EPX: variants seen among roughly 807,000 people sequenced by gnomAD.
EPX encodes the protein eosinophil peroxidase.
EPX carries 60 observed loss-of-function variants against 73.0 expected under a neutral mutation model. The observed-to-expected ratio is 0.82, with a 90% confidence interval of 0.67 to 1.02. The LOEUF (loss-of-function observed/expected upper bound fraction) is 1.02, where lower values mean the gene tolerates loss of function less well. Ranked by LOEUF, EPX falls within the 50% of genes least tolerant of loss-of-function variation. The pLI is 0.00. For missense variants in EPX, 950 were observed against 973.9 expected, an observed-to-expected ratio of 0.98 and a Z score of 0.33; for synonymous variants, 347 against 389.2, an observed-to-expected ratio of 0.89 and a Z score of 1.28.
chr17:58,197,278 G>T, intron 7 of EPX, 21 bp downstream of exon 7: 2 of 1,608,342 alleles, frequency 1.2e-6, no homozygotes, highest in Non-Finnish European at 1.7e-6. Context: ...GAGGAAGGTG[G>T]TGTCTTCCCA....
intron 8 of EPX, 103 bp downstream of exon 8, chr17:58,199,303 G>T: frequency 1.5e-6 from 2 of 1,311,602 alleles, no homozygotes; most frequent in Middle Eastern, 2.3e-4. Context: ...CTGGGTCTGG[G>T]CAACTGGCGG....
In EPX at chr17:58,193,557, C is replaced by T. The variant is rs776794461; in HGVS notation, c.346+11C>T. 1.9e-6 allele frequency: 3 copies of T among 1,613,370 alleles called. No homozygotes were observed. The highest frequency in any genetic ancestry group is 2.5e-6 in the Non-Finnish European group (3 of 1,179,414). ...CCTTCAATGTCACTGGTACTCTGAT[C>T]CCCACTGAGCCCGCTGGGCCTACCC... is the stretch of plus-strand genomic sequence containing the variant. On this transcript the variant is annotated intron_variant, in intron 3 of 12. Transcript: ENST00000225371.
chr17:58,193,207 C>T, intron 2 of EPX, 76 bp downstream of exon 2: 1 of 1,252,778 alleles, frequency 8.0e-7, no homozygotes, highest in Non-Finnish European at 1.2e-6. Flanking sequence ...GTTCATCTCA[C>T]TCATCAGCCA....
At chr17:58,198,172 G>A (rs969713044) in intron 7 of EPX, among the ~76,000 whole-genome samples, 1 of 152,156 alleles carries the variant, frequency 6.6e-6, no homozygotes, top group African/African-American at 2.4e-5. Context: ...TCTAAACCTT[G>A]CAACAGCCCT....
rs567848038 is a variant in EPX, at chr17:58,203,931, C to CAAAA, written c.1947-255_1947-252dup. On this transcript the variant is annotated intron_variant, in intron 11 of 12. Coordinates refer to ENST00000225371, the MANE Select transcript of EPX (RefSeq NM_000502.6). ...TGGGCGACAGAGCGAGACTCCGTCTCAAAAAAAAAAAAAAAAAAAAAAAAA... is the reference window on the plus strand; with the variant it reads ...TGGGCGACAGAGCGAGACTCCGTCTCAAAAAAAAAAAAAAAAAAAAAAAAAAAAA... Among the ~76,000 whole-genome samples the CAAAA allele has an allele frequency of 2.5e-4, 4 of 15,778 alleles. 1 individual carries two copies. Among genetic ancestry groups the CAAAA allele is most frequent in the Non-Finnish European group, 4.8e-4 (4 of 8,292 alleles). 10.4% of individuals were successfully genotyped at this position (15,778 alleles called of 152,430 possible). A position where few individuals can be genotyped will look rare whatever the true frequency, so the allele number is the denominator to read the frequency against.
chr17:58,203,319 G>A lies in EPX; in HGVS notation c.1946+1G>A. The A allele has an allele frequency of 6.2e-7, 1 of 1,600,474 alleles. No homozygotes were observed. Among genetic ancestry groups the A allele is most frequent in the Non-Finnish European group, 8.6e-7 (1 of 1,167,606 alleles). On this transcript the variant is annotated splice_donor_variant, in intron 11 of 12. Transcript: ENST00000225371. LOFTEE classifies it high-confidence loss of function. ...TCAGAAGAGCCCGAGACGGAGACAG[G>A]TAAGTGACCCTATCATAAAAGACAT...
Position 58,193,429 on chromosome 17 carries a change from A to C in EPX, c.229A>C (p.Lys77Gln), listed in dbSNP as rs1968205794. The C allele has an allele frequency of 2.5e-6, 4 of 1,614,112 alleles. No homozygotes were observed. The highest frequency in any genetic ancestry group is 3.4e-6 in the Non-Finnish European group (4 of 1,180,010). Residue 77 changes from lysine (K) to glutamine (Q), a missense_variant, in exon 3 of 13, where the codon AAA becomes CAA. Transcript: ENST00000225371. ...CCCCATGGACCTCCTGTCCTACTTC[A>C]AACAACCGGTAGCAGCCACCAGGAC... ...ASPMDLLSYF[K>Q]QPVAATRTVV...
chr17:58,195,723 C>T (rs888365415), intron 6 of EPX, among the ~76,000 whole-genome samples: 3 of 152,098 alleles, frequency 2.0e-5, no homozygotes, highest in Admixed American at 6.5e-5. Flanking sequence ...TGCACACACA[C>T]GCTCCCTCTC....
chr17:58,198,961 C>G (rs1417221398), intron 7 of EPX, 79 bp from the exon 8 acceptor site: 1 of 1,506,506 alleles, frequency 6.6e-7, no homozygotes, highest in African/African-American at 1.4e-5. Context: ...TCTCTCCCAT[C>G]CCCAGCCCTG....
intron 10 of EPX, among the ~76,000 whole-genome samples, chr17:58,201,596 G>A (rs1968341939): frequency 6.6e-6 from 1 of 152,332 alleles, no homozygotes; most frequent in East Asian, 1.9e-4. Context: ...TACCCAGCAG[G>A]ATATTGATAA....
chr17:58,193,700 T>C lies in EPX; in HGVS notation c.347-14T>C. On this transcript the variant is annotated splice_polypyrimidine_tract_variant and intron_variant, in intron 3 of 12. Coordinates refer to ENST00000225371, the MANE Select transcript of EPX (RefSeq NM_000502.6). ...AGCAGGCCAGCTCAGGTCTGCCCAT[T>C]TGCCTTCCCACAGATGTGCTAACAG... The C allele has an allele frequency of 6.2e-7, 1 of 1,601,772 alleles. No individual in the cohort carries two copies. Among genetic ancestry groups the C allele is most frequent in the Non-Finnish European group, 8.5e-7 (1 of 1,170,400 alleles).
chr17:58,196,849 A>T, intron 6 of EPX, 90 bp from the exon 7 acceptor site: 3 of 1,061,396 alleles, frequency 2.8e-6, no homozygotes, highest in Non-Finnish European at 4.4e-6. Flanking sequence ...AGGGAGTTTT[A>T]AGCAAGGTTT....
In EPX at chr17:58,193,803, C is replaced by T. The variant is rs144765797; in HGVS notation, c.436C>T (p.Arg146Cys). ...DQAERCSDKY[R>C]TITGRCNNKR... ...GGCCGAGCGCTGCAGCGACAAGTAC[C>T]GCACCATCACTGGACGGTGCAACAA... Residue 146 changes from arginine (R) to cysteine (C), a missense_variant, in exon 4 of 13, where the codon CGC becomes TGC. Arg to Cys is a radical substitution (Grantham distance 180). Transcript: ENST00000225371. The T allele has an allele frequency of 4.1e-5, 66 of 1,612,992 alleles. No individual in the cohort carries two copies. The East Asian group carries it at 1.0e-3, about 26-fold the overall frequency.
At chr17:58,193,621 G>T (rs1489627021) in intron 3 of EPX, 75 bp downstream of exon 3, 2 of 1,575,716 alleles carry the variant, frequency 1.3e-6, no homozygotes, top group Non-Finnish European at 1.7e-6. Flanking sequence ...GGGAGGCAGG[G>T]TGCACAGGTT....
At chr17:58,198,983 G>A (rs1968299841) in intron 7 of EPX, 57 bp from the exon 8 acceptor site, 15 of 1,592,264 alleles carry the variant, frequency 9.4e-6, no homozygotes, top group Non-Finnish European at 1.2e-5. Context: ...GTCTACCCTG[G>A]TAGAAAGACA....
Position 58,199,120 on chromosome 17 carries a change from G to A in EPX, c.1201G>A (p.Glu401Lys), listed in dbSNP as rs143664695. 1.8e-5 allele frequency: 29 copies of A among 1,613,922 alleles called. No homozygotes were observed. Among genetic ancestry groups the A allele is most frequent in the Admixed American group, 1.2e-4 (7 of 60,008 alleles). The change falls in exon 8 of 13, where the codon GAG becomes AAG. Residue 401 changes from glutamate (E) to lysine (K), a missense_variant. Transcript: ENST00000225371. ...GCGAGAGCACAACCGGCTGGCCACC[G>A]AGCTGAGACGCCTGAATCCCCGGTG... Reference protein sequence around the residue: ...FMREHNRLATELRRLNPRWNG... With the variant: ...FMREHNRLATKLRRLNPRWNG...
At chr17:58,193,202 T>A in intron 2 of EPX, 71 bp downstream of exon 2, 1 of 1,274,664 alleles carries the variant, frequency 7.8e-7, no homozygotes, top group East Asian at 2.3e-5. Flanking sequence ...GCCAAGTTCA[T>A]CTCACTCATC....
Position 58,192,884 on chromosome 17 carries a change from C to T in EPX, c.38C>T (p.Thr13Ile). ...CCAGCCCTGGCAGGGGTCCTGGCCA[C>T]ACTCGTCCTCGCCCAGCCCTGTGAG... ...LLPALAGVLATLVLAQPCEGT... is the reference protein window; with the variant it reads ...LLPALAGVLAILVLAQPCEGT... The change falls in exon 1 of 13, where the codon ACA (threonine) becomes ATA (isoleucine). Residue 13 changes from threonine (T) to isoleucine (I), a missense_variant. By Grantham distance (89) the Thr-to-Ile change is moderately conservative. Coordinates refer to ENST00000225371, the MANE Select transcript of EPX (RefSeq NM_000502.6). 6.2e-7 allele frequency: 1 copy of T among 1,614,154 alleles called. No homozygotes were observed. Among genetic ancestry groups the T allele is most frequent in the South Asian group, 1.1e-5 (1 of 91,080 alleles).
chr17:58,200,540 G>A (rs957275065), intron 10 of EPX, 145 bp downstream of exon 10: 14 of 832,224 alleles, frequency 1.7e-5, no homozygotes, highest in Non-Finnish European at 2.6e-5. Context: ...CAAGGTCGAT[G>A]TCCCAAAGCA....
Sources: gnomAD v4.1 joint callset for allele counts (sites outside exome capture counted in the v4.1 genomes callset) on GRCh38, gnomAD v4.1.1 for gene constraint, MANE v1.5 for transcripts, NCBI Gene and HGNC (gene_info 2026-07-23, HGNC 2026-07-21) for gene names.